Variants in WWOX observed in about 807,000 individuals in gnomAD.
WWOX encodes the protein WW domain-containing oxidoreductase.
In WWOX, 69 loss-of-function variants were observed where a neutral mutation model predicts 46.2. That is an observed-to-expected ratio of 1.49 (90% CI 1.23 to 1.82). WWOX has a LOEUF of 1.82. Ranked by LOEUF, WWOX falls within the 40% of genes most tolerant of loss-of-function variation. The pLI is 0.00. For missense variants in WWOX, 919 were observed against 542.6 expected, an observed-to-expected ratio of 1.69 and a Z score of -6.89; for synonymous variants, 359 against 202.6, an observed-to-expected ratio of 1.77 and a Z score of -6.56.
chr16:79,121,583 C>G (rs1013188615), intron 8 of WWOX, among the ~76,000 whole-genome samples: 3 of 152,066 alleles, frequency 2.0e-5, no homozygotes, highest in African/African-American at 7.2e-5. Context: ...TAACAAGAGA[C>G]CGTGCTGGTG....
At chr16:78,997,937 C>T (rs540965037) in intron 8 of WWOX, among the ~76,000 whole-genome samples, 3 of 152,170 alleles carry the variant, frequency 2.0e-5, no homozygotes, top group Admixed American at 6.5e-5. Flanking sequence ...AGTACAATGG[C>T]GCGATCTCAG....
intron 8 of WWOX, among the ~76,000 whole-genome samples, chr16:78,829,970 C>G (rs112813980): frequency 3.4e-4 from 52 of 152,112 alleles, no homozygotes; most frequent in African/African-American, 1.1e-3. Flanking sequence ...CTTTAAAATA[C>G]TTTGGGGCCA....
intron 8 of WWOX, among the ~76,000 whole-genome samples, chr16:78,622,216 G>C (rs980777247): frequency 6.6e-6 from 1 of 152,058 alleles, no homozygotes; most frequent in Non-Finnish European, 1.5e-5. Flanking sequence ...CTAAGCTCGT[G>C]ATTAAATAAA....
intron 8 of WWOX, among the ~76,000 whole-genome samples, chr16:78,857,068 G>T (rs1047641741): frequency 1.1e-4 from 17 of 152,194 alleles, no homozygotes. Flanking sequence ...ACAATCTTCT[G>T]GGATCACCAT....
At position 78,137,179 on chromosome 16, in the gene WWOX, C is replaced by A. The variant is rs182940178; in HGVS notation, c.409+22025C>A. 3.3e-4 allele frequency among the ~76,000 whole-genome samples: 51 copies of A among 152,278 alleles called. No homozygotes were observed. In the East Asian group the frequency reaches 7.5e-3, roughly 22 times the overall value. ...AAATGGAGAAGATGCCTTTTTCCTC[C>A]TGCAACCAATAAGAGAGTGATGAAA... is the stretch of plus-strand genomic sequence containing the variant. On this transcript the variant is annotated intron_variant, in intron 4 of 8. Transcript: ENST00000566780.
At chr16:78,825,323 G>C (rs780222154) in intron 8 of WWOX, 3 of 305,358 alleles carry the variant, frequency 9.8e-6, no homozygotes, top group Non-Finnish European at 2.0e-5. Context: ...GGTCGCTGAT[G>C]GCATCTTCAA....
At chr16:79,074,604 A>C (rs2048619664) in intron 8 of WWOX, among the ~76,000 whole-genome samples, 1 of 151,614 alleles carries the variant, frequency 6.6e-6, no homozygotes, top group Non-Finnish European at 1.5e-5. Context: ...CTCCCTTTAT[A>C]AGCTAGGAAT....
intron 5 of WWOX, among the ~76,000 whole-genome samples, chr16:78,342,014 G>T (rs1170739072): frequency 1.7e-5 from 2 of 120,752 alleles, no homozygotes; most frequent in East Asian, 3.9e-4. Context: ...TACTTCGGAG[G>T]CTGAGGCAGC....
intron 8 of WWOX, among the ~76,000 whole-genome samples, chr16:79,056,777 C>G (rs914861554): frequency 2.6e-5 from 4 of 152,192 alleles, no homozygotes; most frequent in Admixed American, 6.5e-5. Flanking sequence ...TTTATGTGAT[C>G]TTGAAAATAC....
At chr16:78,207,209 T>C (rs62034010) in intron 5 of WWOX, among the ~76,000 whole-genome samples, 20,834 of 152,246 alleles carry the variant, frequency 0.14, 1,806 homozygotes, top group Admixed American at 0.19. Flanking sequence ...ACCTACTCTA[T>C]CCCAGGCAGA....
intron 8 of WWOX, among the ~76,000 whole-genome samples, chr16:78,784,054 TCAA>T (rs911688125): frequency 6.6e-6 from 1 of 152,050 alleles, no homozygotes; most frequent in Non-Finnish European, 1.5e-5. Context: ...GATGATGATA[TCAA>T]CAGATACCAT....
chr16:79,014,154 G>T (rs2047367048), intron 8 of WWOX, among the ~76,000 whole-genome samples: 1 of 152,196 alleles, frequency 6.6e-6, no homozygotes, highest in South Asian at 2.1e-4. Flanking sequence ...GGAAGGGATG[G>T]TCCTATTTAA....
chr16:78,236,687 A>G (rs1186676035), intron 5 of WWOX, among the ~76,000 whole-genome samples: 1 of 152,208 alleles, frequency 6.6e-6, no homozygotes, highest in Admixed American at 6.5e-5. Flanking sequence ...AAGCGTGACT[A>G]GAGTTTCATA....
chr16:78,772,652 C>G (rs376879807), intron 8 of WWOX, among the ~76,000 whole-genome samples: 38 of 152,278 alleles, frequency 2.5e-4, no homozygotes, highest in East Asian at 2.1e-3. Flanking sequence ...CTAGCTAATT[C>G]CAGGCTTCAA....
chr16:78,517,380 G>A (rs2043257736), intron 8 of WWOX, among the ~76,000 whole-genome samples: 1 of 119,424 alleles, frequency 8.4e-6, no homozygotes, highest in South Asian at 2.8e-4. Flanking sequence ...CCACAGAAAA[G>A]TAATAGAATG....
chr16:79,088,208 G>A (rs550786302), intron 8 of WWOX, among the ~76,000 whole-genome samples: 6 of 152,284 alleles, frequency 3.9e-5, no homozygotes, highest in Admixed American at 2.0e-4. Flanking sequence ...CTCAGTCCAC[G>A]GGGTGGCCTT....
intron 8 of WWOX, among the ~76,000 whole-genome samples, chr16:78,680,686 T>C (rs1481893239): frequency 6.6e-6 from 1 of 152,158 alleles, no homozygotes; most frequent in Non-Finnish European, 1.5e-5. Context: ...TCCGGACACA[T>C]CTAGTGGCTC....
Position 79,197,894 on chromosome 16 carries a change from G to C in WWOX, c.1057-13714G>C, listed in dbSNP as rs1016367176. ...AAGGCTCTCACTTTCCAATCAGCAG[G>C]AAGTTATGCTTCCCAGCCTCTAGGA... On this transcript the variant is annotated intron_variant, in intron 8 of 8. Coordinates refer to ENST00000566780, the MANE Select transcript of WWOX (RefSeq NM_016373.4). 4.6e-5 allele frequency among the ~76,000 whole-genome samples: 7 copies of C among 152,266 alleles called. No individual in the cohort carries two copies. In the South Asian group the frequency reaches 1.5e-3, roughly 32 times the overall value.
At chr16:78,685,156 T>C (rs187763008) in intron 8 of WWOX, among the ~76,000 whole-genome samples, 60 of 152,298 alleles carry the variant, frequency 3.9e-4, no homozygotes, top group African/African-American at 1.4e-3. Flanking sequence ...CCATTCTGTT[T>C]TTATGACCCT....
Sources: allele counts gnomAD v4.1 joint callset (sites outside exome capture counted in the v4.1 genomes callset), GRCh38; gene constraint gnomAD v4.1.1; transcripts MANE v1.5; gene names NCBI Gene and HGNC (gene_info 2026-07-23, HGNC 2026-07-21).